ATP8A2: variants seen among roughly 807,000 people sequenced by gnomAD.
The protein encoded by ATP8A2 is ATPase phospholipid transporting 8A2.
ATP8A2 carries 100 observed loss-of-function variants against 165.6 expected under a neutral mutation model. The observed-to-expected ratio is 0.60, with a 90% CI of 0.51 to 0.71. The LOEUF (loss-of-function observed/expected upper bound fraction) is 0.71, where lower values mean the gene tolerates loss of function less well. Ranked by LOEUF, ATP8A2 falls within the 30% of genes least tolerant of loss-of-function variation. ATP8A2 has a pLI of 0.00. For missense variants in ATP8A2, 1,227 were observed against 1,479.5 expected (o/e 0.83, Z 2.80); for synonymous variants, 543 against 548.8 (o/e 0.99, Z 0.15).
At chr13:25,916,443 G>T (rs1046215504) in intron 33 of ATP8A2, among the ~76,000 whole-genome samples, 1 of 152,228 alleles carries the variant, frequency 6.6e-6, no homozygotes, top group Non-Finnish European at 1.5e-5. Flanking sequence ...ATGTGGTGCT[G>T]GTGTTCAGCT....
intron 33 of ATP8A2, among the ~76,000 whole-genome samples, chr13:25,943,533 T>C (rs1388557019): frequency 1.3e-5 from 2 of 152,226 alleles, no homozygotes; most frequent in Non-Finnish European, 2.9e-5. Context: ...CCTAGGTGTC[T>C]AGTGTGCAAT....
chr13:25,737,943 C>G (rs1412236363), intron 25 of ATP8A2, among the ~76,000 whole-genome samples: 4 of 152,300 alleles, frequency 2.6e-5, no homozygotes, highest in African/African-American at 9.6e-5. Context: ...CTCGGCCTCC[C>G]AAAGTGCTGG....
At chr13:25,903,706 C>T (rs1293936738) in intron 33 of ATP8A2, among the ~76,000 whole-genome samples, 1 of 152,218 alleles carries the variant, frequency 6.6e-6, no homozygotes, top group Non-Finnish European at 1.5e-5. Context: ...CCTCAGCCCT[C>T]TCGAGGGGTC....
intron 24 of ATP8A2, among the ~76,000 whole-genome samples, chr13:25,647,750 G>T (rs1055687962): frequency 6.6e-6 from 1 of 151,512 alleles, no homozygotes; most frequent in Non-Finnish European, 1.5e-5. Flanking sequence ...CAATGGCGTG[G>T]TCTCGGCTCA....
intron 1 of ATP8A2, among the ~76,000 whole-genome samples, chr13:25,405,944 A>C (rs1027478047): frequency 6.6e-6 from 1 of 152,186 alleles, no homozygotes; most frequent in African/African-American, 2.4e-5. Context: ...AGCTTCTGGC[A>C]TGTTGAGTCA....
intron 10 of ATP8A2, among the ~76,000 whole-genome samples, chr13:25,550,994 G>A (rs1158318671): frequency 6.6e-6 from 1 of 152,170 alleles, no homozygotes; most frequent in Non-Finnish European, 1.5e-5. Context: ...TGAATTACCA[G>A]TGTTCTGATT....
chr13:25,414,015 T>A (rs941641830), intron 1 of ATP8A2, among the ~76,000 whole-genome samples: 1 of 151,850 alleles, frequency 6.6e-6, no homozygotes, highest in Admixed American at 6.6e-5. Flanking sequence ...TGTGGGGTGA[T>A]GATGATCAGA....
chr13:25,933,362 C>T (rs950763917), intron 33 of ATP8A2, among the ~76,000 whole-genome samples: 3 of 152,208 alleles, frequency 2.0e-5, no homozygotes, highest in African/African-American at 4.8e-5. Flanking sequence ...TAAGCTAGAC[C>T]GCTTCTGTCT....
rs149802548 is a variant in ATP8A2 at position 25,907,718 on chromosome 13, A to G, written c.3183+45310A>G. ...TTCTTTTTCCCATCTTTGCCATCAC[A>G]GGCTTTCTTTACACTCCCTCCACTC... On this transcript the variant is annotated intron_variant, in intron 33 of 36. Coordinates refer to ENST00000381655, the MANE Select transcript of ATP8A2 (RefSeq NM_016529.6). Among the ~76,000 whole-genome samples the G allele has an allele frequency of 1.8e-4, 27 of 152,232 alleles. No individual in the cohort carries two copies. In the East Asian group the frequency reaches 4.3e-3, roughly 24 times the overall value.
chr13:25,893,047 C>G (rs1953426346), intron 33 of ATP8A2, among the ~76,000 whole-genome samples: 1 of 151,218 alleles, frequency 6.6e-6, no homozygotes, highest in Admixed American at 6.6e-5. Flanking sequence ...AGAAAATTTT[C>G]TTTTTTTTAT....
In ATP8A2 at chr13:25,579,813, C is replaced by G. The variant is rs764911379; in HGVS notation, c.1873C>G (p.Arg625Gly). The change falls in exon 22 of 37, where the codon CGG becomes GGG. Residue 625 changes from arginine (R) to glycine (G), a missense_variant. Around this residue, in one of 5 missense-constraint regions of ATP8A2, gnomAD observed 592 missense variants for 785.6 expected, o/e 0.75. Transcript: ENST00000381655. ...CACCAGTGGCTGTCTTGCAGGCTTG[C>G]GGACTCTCTGTGTGGCTTATGCTGA... ...HLEYFATEGL[R>G]TLCVAYADLS... The G allele has an allele frequency of 8.8e-6, 14 of 1,591,082 alleles. No homozygotes were observed. The Middle Eastern group carries it at 8.0e-4, about 91-fold the overall frequency.
rs910641005 is a variant in ATP8A2 at position 25,643,221 on chromosome 13, A to T, written c.2211+53522A>T. ...AGAACTTAAAGTGTAATAATAATTTAAAAAAGAATATTGTGATCCTCTGGT... is the reference window on the plus strand; with the variant it reads ...AGAACTTAAAGTGTAATAATAATTTTAAAAAGAATATTGTGATCCTCTGGT... On this transcript the variant is annotated intron_variant, in intron 24 of 36. Coordinates refer to ENST00000381655, the MANE Select transcript of ATP8A2 (RefSeq NM_016529.6). Among the ~76,000 whole-genome samples the T allele has an allele frequency of 7.9e-5, 12 of 152,306 alleles. 1 individual carries two copies. Among genetic ancestry groups the T allele is most frequent in the South Asian group, 2.1e-4 (1 of 4,832 alleles).
chr13:25,978,079 T>G (rs574045080), intron 35 of ATP8A2, among the ~76,000 whole-genome samples: 2 of 152,334 alleles, frequency 1.3e-5, no homozygotes, highest in East Asian at 3.9e-4. Flanking sequence ...ACAAAACTAG[T>G]GTGGACAGCT....
At chr13:25,813,971 C>CTG (rs1222570782) in intron 27 of ATP8A2, among the ~76,000 whole-genome samples, 1 of 152,158 alleles carries the variant, frequency 6.6e-6, no homozygotes, top group Non-Finnish European at 1.5e-5. Flanking sequence ...CAGACTGGAA[C>CTG]TGAAACATCA....
At chr13:25,682,847 G>T (rs567049314) in intron 24 of ATP8A2, among the ~76,000 whole-genome samples, 2 of 152,252 alleles carry the variant, frequency 1.3e-5, no homozygotes, top group South Asian at 2.1e-4. Context: ...TGGAGCTCAG[G>T]GTTGGCCTGC....
intron 2 of ATP8A2, among the ~76,000 whole-genome samples, chr13:25,493,244 T>C (rs1195089097): frequency 6.6e-6 from 1 of 152,226 alleles, no homozygotes; most frequent in Non-Finnish European, 1.5e-5. Context: ...TCTGGCCTTA[T>C]GCTCATTAAT....
Position 25,554,988 on chromosome 13 carries a change from C to T in ATP8A2, c.1186-3C>T. ...ATCCTGTCTCTTGTTCTCTCTCTCT[C>T]AGGACACAGATATGTATTATATAGG... On this transcript the variant is annotated splice_polypyrimidine_tract_variant and splice_region_variant and intron_variant, in intron 12 of 36. Coordinates refer to ENST00000381655, the MANE Select transcript of ATP8A2 (RefSeq NM_016529.6). The T allele has an allele frequency of 1.3e-6, 2 of 1,579,616 alleles. No homozygotes were observed. The highest frequency in any genetic ancestry group is 1.7e-6 in the Non-Finnish European group (2 of 1,151,728).
At chr13:25,439,675 C>T (rs1029381685) in intron 1 of ATP8A2, among the ~76,000 whole-genome samples, 8 of 152,062 alleles carry the variant, frequency 5.3e-5, no homozygotes, top group South Asian at 2.1e-4. Context: ...CTCTGAGAGG[C>T]CAAGGGCAGG....
chr13:25,862,309 T>A lies in ATP8A2; in HGVS notation c.3084T>A (p.His1028Gln). ...LETTAWTKFS[H>Q]LAVWGSMLTW... ...TCTATTTCCCTCTGCAGTTCAGTCA[T>A]CTGGCTGTCTGGGGAAGCATGCTGA... The change falls in exon 33 of 37, where the codon CAT becomes CAA. Residue 1028 changes from histidine (H) to glutamine (Q), a missense_variant. Around this residue, in one of 5 missense-constraint regions of ATP8A2, gnomAD observed 260 missense variants for 245.1 expected, o/e 1.06. Transcript: ENST00000381655. 1 of 1,613,818 alleles carries A rather than the reference T, an allele frequency of 6.2e-7. No homozygotes were observed. The highest frequency in any genetic ancestry group is 8.5e-7 in the Non-Finnish European group (1 of 1,179,724).
Sources: gnomAD v4.1 joint callset for allele counts (sites outside exome capture counted in the v4.1 genomes callset) on GRCh38, gnomAD v4.1.1 for gene constraint, gnomAD v4.1.1 regional missense constraint, MANE v1.5 for transcripts, NCBI Gene and HGNC (gene_info 2026-07-23, HGNC 2026-07-21) for gene names.